HACD4: variants seen among roughly 807,000 people sequenced by gnomAD.
The protein encoded by HACD4 is 3-hydroxyacyl-CoA dehydratase 4, also known as very-long-chain (3R)-3-hydroxyacyl-CoA dehydratase 4.
HACD4 carries 35 observed loss-of-function variants against 33.3 expected under a neutral mutation model. The ratio of observed to expected loss-of-function variants is 1.05; its 90% confidence interval spans 0.80 to 1.39. The LOEUF is 1.39. Among genes scored for constraint, HACD4 ranks in the 40% most tolerant of loss-of-function variants. The probability of loss-of-function intolerance (pLI) is 0.00; values close to 1 mark genes in which losing one functional copy is unlikely to be tolerated. For missense variants in HACD4, 323 were observed against 276.5 expected (o/e 1.17, Z -1.19); for synonymous variants, 118 against 98.0 (o/e 1.20, Z -1.21).
intron 1 of HACD4, 53 bp downstream of exon 1, chr9:21,031,500 T>C: frequency 7.0e-7 from 1 of 1,437,814 alleles, no homozygotes; most frequent in Non-Finnish European, 9.1e-7. Context: ...AGCTCCCGCC[T>C]CCAGGCCCTC....
At chr9:21,017,611 G>C (rs1446652775) in intron 3 of HACD4, among the ~76,000 whole-genome samples, 3 of 152,018 alleles carry the variant, frequency 2.0e-5, no homozygotes, top group African/African-American at 7.2e-5. Flanking sequence ...AAAACCTTCT[G>C]GTTTTTGCTA....
intron 3 of HACD4, among the ~76,000 whole-genome samples, chr9:21,021,219 G>A (rs1319422461): frequency 6.6e-6 from 1 of 152,116 alleles, no homozygotes; most frequent in African/African-American, 2.4e-5. Context: ...GGTATTGATG[G>A]GACGTATCTC....
At chr9:21,018,234 A>C (rs1418331784) in intron 3 of HACD4, among the ~76,000 whole-genome samples, 1 of 152,214 alleles carries the variant, frequency 6.6e-6, no homozygotes, top group African/African-American at 2.4e-5. Context: ...CCAGGTTCCA[A>C]ATATACACCA....
chr9:21,023,021 C>T (rs1478387264), intron 3 of HACD4, among the ~76,000 whole-genome samples: 35 of 152,066 alleles, frequency 2.3e-4, no homozygotes, highest in South Asian at 8.3e-4. Context: ...ATATACACCA[C>T]CGAATACTAT....
chr9:21,009,256 T>C (rs1227471805), intron 5 of HACD4, among the ~76,000 whole-genome samples: 2 of 152,192 alleles, frequency 1.3e-5, no homozygotes, highest in African/African-American at 4.8e-5. Context: ...TACAATTATC[T>C]GTATTCCACC....
intron 3 of HACD4, among the ~76,000 whole-genome samples, chr9:21,020,022 G>A (rs1817864661): frequency 6.6e-6 from 1 of 152,012 alleles, no homozygotes. Context: ...GAAATCTTTA[G>A]AGGGATTTTT....
At position 21,004,376 on chromosome 9, in the gene HACD4, ATACTC is replaced by A. The variant is rs1429374478; in HGVS notation, c.*2656_*2660del. ...GTTAACAAATACATGACATTAATGA[ATACTC>A]TATCAGAGCACTAGGGACTGAATGC... On this transcript the variant is annotated 3_prime_UTR_variant, in exon 7 of 7. Transcript: ENST00000495827. The surrounding 1 kb of genome is among the most constrained non-coding windows in gnomAD (Gnocchi z 4.6). The A allele has an allele frequency of 3.9e-5, 6 of 152,224 alleles. No individual in the cohort carries two copies. Among genetic ancestry groups the A allele is most frequent in the Admixed American group, 2.6e-4 (4 of 15,278 alleles). 9.4% of individuals were successfully genotyped at this position (152,224 alleles called of 1,614,324 possible).
intron 3 of HACD4, among the ~76,000 whole-genome samples, chr9:21,022,618 A>G (rs1817948732): frequency 8.6e-6 from 1 of 116,632 alleles, no homozygotes; most frequent in South Asian, 3.6e-4. Flanking sequence ...ACATGAAAAA[A>G]TGCTCATCAT....
At position 21,029,402 on chromosome 9, in the gene HACD4, T is replaced by C. The variant is rs1464407884; in HGVS notation, c.39-4A>G. ...AAGATACGCATTCTTCCTATACCTA[T>C]AAATACAGGAAAATACCATTAAACA... On this transcript the variant is annotated splice_polypyrimidine_tract_variant and splice_region_variant and intron_variant, in intron 1 of 6. Transcript: ENST00000495827. 8 of 1,507,660 alleles carry C rather than the reference T, an allele frequency of 5.3e-6. No homozygotes were observed. The African/African-American group carries it at 5.5e-5, about 10-fold the overall frequency. The allele number at this position is 1,507,660 out of a possible 1,614,324, so 93.4% of individuals were successfully genotyped here.
rs1355089045 is a variant in HACD4 at position 21,002,651 on chromosome 9, C to T, written c.*4386G>A. On this transcript the variant is annotated 3_prime_UTR_variant, in exon 7 of 7. Transcript: ENST00000495827. Reference sequence around the variant, plus strand: ...GAGATGGACAGTGGTGATGGTTGCACAATATAAATTACTTACTACTACTGA... The same window carrying T: ...GAGATGGACAGTGGTGATGGTTGCATAATATAAATTACTTACTACTACTGA... 6.6e-6 allele frequency: 1 copy of T among 151,954 alleles called. No individual in the cohort carries two copies. Among genetic ancestry groups the T allele is most frequent in the Non-Finnish European group, 1.5e-5 (1 of 67,962 alleles). 9.4% of individuals were successfully genotyped at this position (151,954 alleles called of 1,614,324 possible).
chr9:21,015,605 A>G, intron 4 of HACD4: 1 of 236,348 alleles, frequency 4.2e-6, no homozygotes, highest in Non-Finnish European at 8.1e-6. Context: ...AATTGTGAGG[A>G]ATGCCTTTGT....
At chr9:21,024,411 T>C (rs1376629960) in intron 3 of HACD4, among the ~76,000 whole-genome samples, 4 of 152,268 alleles carry the variant, frequency 2.6e-5, no homozygotes, top group Non-Finnish European at 5.9e-5. Context: ...TTTTGCAAAC[T>C]CGCCTTTGAA....
intron 4 of HACD4, among the ~76,000 whole-genome samples, chr9:21,013,922 G>T (rs1054767075): frequency 4.6e-5 from 7 of 152,006 alleles, no homozygotes; most frequent in African/African-American, 1.7e-4. Flanking sequence ...ATACCATTTT[G>T]TTTGTTTTCT....
At chr9:21,027,038 C>A (rs1027535190) in intron 2 of HACD4, among the ~76,000 whole-genome samples, 2 of 152,192 alleles carry the variant, frequency 1.3e-5, no homozygotes, top group Non-Finnish European at 2.9e-5. Flanking sequence ...TAAGAGTAAC[C>A]TCCTAGAATC....
chr9:21,029,548 T>C, intron 1 of HACD4, 150 bp from the exon 2 acceptor site: 1 of 475,688 alleles, frequency 2.1e-6, no homozygotes, highest in Non-Finnish European at 3.8e-6. Context: ...CAAGTACATA[T>C]CAGATTTTGA....
intron 2 of HACD4, 51 bp downstream of exon 2, chr9:21,029,244 T>G (rs1333825476): frequency 9.7e-7 from 1 of 1,026,504 alleles, no homozygotes; most frequent in Non-Finnish European, 1.5e-6. Flanking sequence ...CAGGATGAGG[T>G]GAAAACAAGG....
intron 3 of HACD4, among the ~76,000 whole-genome samples, chr9:21,020,032 T>C (rs1364671750): frequency 2.0e-5 from 3 of 152,082 alleles, no homozygotes; most frequent in Non-Finnish European, 2.9e-5. Flanking sequence ...GAGGGATTTT[T>C]GACAAACAGA....
At chr9:21,029,148 G>T (rs1818139754) in intron 2 of HACD4, 147 bp downstream of exon 2, 1 of 562,068 alleles carries the variant, frequency 1.8e-6, no homozygotes, top group Admixed American at 3.5e-5. Flanking sequence ...TCCCCAAGAA[G>T]GTTTTGCAAT....
intron 3 of HACD4, among the ~76,000 whole-genome samples, chr9:21,017,215 A>C (rs1842576841): frequency 6.6e-6 from 1 of 152,128 alleles, no homozygotes; most frequent in South Asian, 2.1e-4. Context: ...AAAATCACCT[A>C]GTGCCCAGAA....
Sources: gnomAD v4.1 joint callset for allele counts (sites outside exome capture counted in the v4.1 genomes callset) on GRCh38, gnomAD v4.1.1 for gene constraint, Gnocchi (gnomAD v3.1) non-coding constraint, MANE v1.5 for transcripts, NCBI Gene and HGNC (gene_info 2026-07-23, HGNC 2026-07-21) for gene names.